Variants in BTBD7 observed in about 807,000 individuals in gnomAD.
BTBD7 encodes the protein BTB domain containing 7.
A neutral mutation model predicts 99.9 loss-of-function variants in BTBD7; 38 were observed. The ratio of observed to expected loss-of-function variants is 0.38; its 90% confidence interval spans 0.29 to 0.50. The LOEUF is 0.50. BTBD7 is among the 20% of genes least tolerant of loss of function. BTBD7 has a pLI of 0.93. For synonymous variants in BTBD7, 520 were observed against 511.4 expected, an observed-to-expected ratio of 1.02 and a Z score of -0.23; for missense variants, 1,170 against 1,394.6, an observed-to-expected ratio of 0.84 and a Z score of 2.57.
At chr14:93,316,266 A>G (rs879399383) in intron 1 of BTBD7, among the ~76,000 whole-genome samples, 1 of 106,184 alleles carries the variant, frequency 9.4e-6, no homozygotes, top group African/African-American at 4.8e-5. Flanking sequence ...TTTTTTTTTT[A>G]ATTTTTTTTA....
chr14:93,271,601 G>T (rs2052601643), intron 3 of BTBD7, among the ~76,000 whole-genome samples: 1 of 152,086 alleles, frequency 6.6e-6, no homozygotes, highest in Non-Finnish European at 1.5e-5. Flanking sequence ...CCTGAGAAAA[G>T]AAATTAAGAA....
At chr14:93,293,252 T>A (rs953114422) in intron 3 of BTBD7, among the ~76,000 whole-genome samples, 5 of 152,196 alleles carry the variant, frequency 3.3e-5, no homozygotes, top group South Asian at 2.1e-4. Context: ...GTCCTAATTT[T>A]AAAAAAATTT....
intron 1 of BTBD7, among the ~76,000 whole-genome samples, chr14:93,300,344 G>C (rs2139780461): frequency 6.9e-6 from 1 of 145,892 alleles, no homozygotes. Context: ...TGCAATCTCT[G>C]CCTCCTGGGT....
intron 1 of BTBD7, among the ~76,000 whole-genome samples, chr14:93,298,130 AAAG>A (rs1206949091): frequency 4.6e-5 from 7 of 152,202 alleles, no homozygotes; most frequent in Non-Finnish European, 7.3e-5. Context: ...GGCATGAAAC[AAAG>A]AAGAATAGAG....
chr14:93,303,462 A>T (rs946422769), intron 1 of BTBD7, among the ~76,000 whole-genome samples: 21 of 152,144 alleles, frequency 1.4e-4, no homozygotes, highest in Non-Finnish European at 2.6e-4. Flanking sequence ...TAAAAAAAAA[A>T]ATAAAAAAGA....
At chr14:93,309,198 T>C (rs1006630990) in intron 1 of BTBD7, among the ~76,000 whole-genome samples, 2 of 152,140 alleles carry the variant, frequency 1.3e-5, no homozygotes, top group Admixed American at 6.5e-5. Context: ...AGTCATTTTA[T>C]TCTCACAATA....
chr14:93,297,988 C>T (rs892854169), intron 1 of BTBD7, among the ~76,000 whole-genome samples: 3 of 152,126 alleles, frequency 2.0e-5, no homozygotes, highest in South Asian at 2.1e-4. Context: ...AAAGGTAAGA[C>T]GGCATGGTGT....
intron 1 of BTBD7, among the ~76,000 whole-genome samples, chr14:93,329,229 C>G (rs774668633): frequency 2.6e-5 from 4 of 151,790 alleles, no homozygotes; most frequent in Non-Finnish European, 4.4e-5. Context: ...GAATATTTTT[C>G]TAAAAAAATA....
intron 8 of BTBD7, 81 bp downstream of exon 8, chr14:93,251,382 A>G: frequency 7.1e-7 from 1 of 1,410,974 alleles, no homozygotes; most frequent in Non-Finnish European, 9.6e-7. Flanking sequence ...ATTAGCATAT[A>G]CAGAGAGGCT....
chr14:93,301,561 G>A (rs1470350174), intron 1 of BTBD7, among the ~76,000 whole-genome samples: 2 of 151,870 alleles, frequency 1.3e-5, no homozygotes, highest in African/African-American at 2.4e-5. Flanking sequence ...GTAGTGGTAC[G>A]TGCCTATGGT....
chr14:93,316,807 G>A (rs1428589614), intron 1 of BTBD7, among the ~76,000 whole-genome samples: 1 of 152,132 alleles, frequency 6.6e-6, no homozygotes, highest in Non-Finnish European at 1.5e-5. Flanking sequence ...TAATATTGCT[G>A]TGGCAAACTG....
chr14:93,331,726 C>T (rs1290536672), intron 1 of BTBD7, among the ~76,000 whole-genome samples: 1 of 152,100 alleles, frequency 6.6e-6, no homozygotes, highest in African/African-American at 2.4e-5. Context: ...ATTAAAAATA[C>T]AAAAACTAGC....
At chr14:93,297,904 GGA>G (rs1329142824) in intron 1 of BTBD7, among the ~76,000 whole-genome samples, 23 of 152,252 alleles carry the variant, frequency 1.5e-4, no homozygotes, top group South Asian at 6.2e-4. Context: ...AAATGAGGGG[GGA>G]AAAAGACTTT....
intron 2 of BTBD7, among the ~76,000 whole-genome samples, chr14:93,295,412 G>A (rs539505316): frequency 6.6e-5 from 10 of 152,158 alleles, no homozygotes; most frequent in Non-Finnish European, 1.5e-4. Flanking sequence ...TTACAGGTGT[G>A]AGCCATTGTG....
chr14:93,264,043 T>C (rs1222645489), intron 3 of BTBD7, 50 bp from the exon 4 acceptor site: 9 of 1,526,028 alleles, frequency 5.9e-6, no homozygotes, highest in Admixed American at 3.4e-5. Context: ...ATATTACTTA[T>C]TGAACATTAG....
chr14:93,320,302 A>G (rs1416970403), intron 1 of BTBD7, among the ~76,000 whole-genome samples: 3 of 152,154 alleles, frequency 2.0e-5, no homozygotes, highest in Non-Finnish European at 2.9e-5. Flanking sequence ...ATGTCTGGAG[A>G]CATTTCAAAT....
At chr14:93,252,791 G>C (rs553458818) in intron 7 of BTBD7, among the ~76,000 whole-genome samples, 1 of 151,986 alleles carries the variant, frequency 6.6e-6, no homozygotes, top group South Asian at 2.1e-4. Context: ...TTCAAAGACT[G>C]TCAGTTCCTC....
intron 10 of BTBD7, chr14:93,244,129 G>T: frequency 2.1e-6 from 1 of 484,426 alleles, no homozygotes; most frequent in South Asian, 1.5e-5. Flanking sequence ...AAAGCAGCAT[G>T]ACAGGAAGCA....
At position 93,242,229 on chromosome 14, in the gene BTBD7, T is replaced by C; in HGVS notation, c.*44A>G. ...TAAGTTGTTGGGTTACATCATAAAATGGGATGTTTCACATCTCAGGCACAG... is the reference window on the plus strand; with the variant it reads ...TAAGTTGTTGGGTTACATCATAAAACGGGATGTTTCACATCTCAGGCACAG... On this transcript the variant is annotated 3_prime_UTR_variant, in exon 11 of 11. Coordinates refer to ENST00000334746, the MANE Select transcript of BTBD7 (RefSeq NM_001002860.4). 1 of 1,553,438 alleles carries C rather than the reference T, an allele frequency of 6.4e-7. No homozygotes were observed. Among genetic ancestry groups the C allele is most frequent in the East Asian group, 2.3e-5 (1 of 44,346 alleles).
Sources: allele counts gnomAD v4.1 joint callset (sites outside exome capture counted in the v4.1 genomes callset), GRCh38; gene constraint gnomAD v4.1.1; transcripts MANE v1.5; gene names NCBI Gene and HGNC (gene_info 2026-07-23, HGNC 2026-07-21).